Variants in USP24 observed in about 807,000 individuals in gnomAD.
USP24 encodes ubiquitin specific peptidase 24.
Under a neutral mutation model 361.6 loss-of-function variants are expected in USP24, and 97 were observed. The ratio of observed to expected loss-of-function variants is 0.27; its 90% CI spans 0.23 to 0.32. The LOEUF is 0.32. Among genes scored for constraint, USP24 ranks in the 10% least tolerant of loss-of-function variants. The pLI, the probability that USP24 is intolerant of heterozygous loss-of-function variation, is 1.00. For synonymous variants in USP24, 1,098 were observed against 1,124.6 expected, an observed-to-expected ratio of 0.98 and a Z score of 0.47; for missense variants, 2,353 against 3,165.6, an observed-to-expected ratio of 0.74 and a Z score of 6.16.
At chr1:55,122,354 G>A (rs1036590708) in intron 36 of USP24, among the ~76,000 whole-genome samples, 5 of 152,152 alleles carry the variant, frequency 3.3e-5, no homozygotes, top group South Asian at 2.1e-4. Flanking sequence ...CAGGGTGGCC[G>A]AAGCACAGTG....
At position 55,176,361 on chromosome 1, in the gene USP24, G is replaced by T; in HGVS notation, c.558+15C>A. 6.4e-7 allele frequency: 1 copy of T among 1,556,476 alleles called. No individual in the cohort carries two copies. The highest frequency in any genetic ancestry group is 8.7e-7 in the Non-Finnish European group (1 of 1,148,282). On this transcript the variant is annotated intron_variant, in intron 3 of 67. Transcript: ENST00000294383. The stretch of plus-strand genomic sequence containing the variant: ...CCGACACACACAAAATATCACAGCA[G>T]CACATTTTTCTTACCTTTTTAAATG...
intron 28 of USP24, among the ~76,000 whole-genome samples, chr1:55,136,112 A>G (rs993198544): frequency 1.3e-5 from 2 of 152,190 alleles, no homozygotes; most frequent in African/African-American, 4.8e-5. Context: ...GAAGGGAAAT[A>G]AAAAGAAATA....
chr1:55,071,725 T>A (rs1178609422), intron 67 of USP24, 89 bp downstream of exon 67: 1 of 1,330,918 alleles, frequency 7.5e-7, no homozygotes, highest in Non-Finnish European at 1.0e-6. Flanking sequence ...AGAGGAAGCA[T>A]CTTGTTTTCC....
intron 40 of USP24, among the ~76,000 whole-genome samples, chr1:55,107,021 A>C (rs941705809): frequency 8.5e-5 from 13 of 152,228 alleles, no homozygotes; most frequent in Non-Finnish European, 1.6e-4. Flanking sequence ...TGATCCAGCT[A>C]TTTTGAACAC....
intron 38 of USP24, among the ~76,000 whole-genome samples, chr1:55,114,956 G>A (rs1646062613): frequency 6.6e-6 from 1 of 151,972 alleles, no homozygotes; most frequent in Admixed American, 6.6e-5. Context: ...GAGTGAACAG[G>A]CAACCTATAG....
chr1:55,069,920 AGGTGC>A lies in USP24; in HGVS notation c.7801-818_7801-814del, dbSNP rs571450465. ...AAAAAATCAGAAAATGGGGGTGGGG[AGGTGC>A]GCAGGTGCTAGATCAAGCAGGACTG... On this transcript the variant is annotated intron_variant, in intron 67 of 67. Transcript: ENST00000294383. 8.6e-4 allele frequency among the ~76,000 whole-genome samples: 116 copies of A among 134,546 alleles called. 1 individual carries two copies. Among genetic ancestry groups the A allele is most frequent in the African/African-American group, 3.0e-3 (109 of 36,278 alleles). The allele number at this position is 134,546 out of a possible 152,430, so 88.3% of individuals were successfully genotyped here.
At chr1:55,086,178 C>G (rs1425066932) in intron 55 of USP24, 140 bp from the exon 56 acceptor site, 3 of 716,600 alleles carry the variant, frequency 4.2e-6, no homozygotes, top group African/African-American at 1.8e-5. Flanking sequence ...CCAAGTGGAG[C>G]TTTCCAAGGT....
At chr1:55,195,412 T>A (rs928835332) in intron 1 of USP24, among the ~76,000 whole-genome samples, 1 of 152,204 alleles carries the variant, frequency 6.6e-6, no homozygotes, top group African/African-American at 2.4e-5. Flanking sequence ...AGGTATTCTG[T>A]CTTCTATTTT....
intron 5 of USP24, among the ~76,000 whole-genome samples, chr1:55,169,224 A>T (rs898171006): frequency 6.6e-6 from 1 of 152,132 alleles, no homozygotes; most frequent in African/African-American, 2.4e-5. Context: ...TAAATTTAAA[A>T]AAAATCCGTG....
intron 4 of USP24, among the ~76,000 whole-genome samples, chr1:55,172,051 T>C (rs1018662567): frequency 6.6e-6 from 1 of 152,130 alleles, no homozygotes; most frequent in African/African-American, 2.4e-5. Flanking sequence ...TACTGTTACC[T>C]GTTGGGGGAA....
chr1:55,193,273 G>C (rs1644335465), intron 1 of USP24, among the ~76,000 whole-genome samples: 1 of 152,140 alleles, frequency 6.6e-6, no homozygotes, highest in African/African-American at 2.4e-5. Flanking sequence ...TAAGGGATTT[G>C]AGCATTTCGG....
At position 55,214,999 on chromosome 1, in the gene USP24, C is replaced by T. The variant is rs1165561923; in HGVS notation, c.115G>A (p.Ala39Thr). The change falls in exon 1 of 68, where the codon GCA (alanine) becomes ACA (threonine). Residue 39 changes from alanine (A) to threonine (T), a missense_variant. Ala to Thr is a moderately conservative substitution (Grantham distance 58). This residue lies in a region of USP24 where 253 missense variants were observed against 255.3 expected (regional missense o/e 0.99). Coordinates refer to ENST00000294383, the MANE Select transcript of USP24 (RefSeq NM_015306.3). ...CCCGGCCGCTCGTTGGTGAGCAGTG[C>T]CACGGCCTCGTTAATGTCGTTCTTG... is the stretch of plus-strand genomic sequence containing the variant. ...LAKNDINEAVALLTNERPGLD... is the reference protein window; with the variant it reads ...LAKNDINEAVTLLTNERPGLD... The T allele has an allele frequency of 5.5e-6, 8 of 1,464,146 alleles. No individual in the cohort carries two copies. The highest frequency in any genetic ancestry group is 4.5e-6 in the Non-Finnish European group (5 of 1,106,742). 90.7% of individuals were successfully genotyped at this position (1,464,146 alleles called of 1,614,324 possible).
chr1:55,105,792 GT>G (rs1645754504), intron 41 of USP24, among the ~76,000 whole-genome samples: 1 of 152,128 alleles, frequency 6.6e-6, no homozygotes, highest in African/African-American at 2.4e-5. Context: ...AGCACCTATC[GT>G]TTTCTCCTGA....
At chr1:55,095,858 A>G (rs1312478892) in intron 50 of USP24, among the ~76,000 whole-genome samples, 2 of 152,366 alleles carry the variant, frequency 1.3e-5, no homozygotes, top group Middle Eastern at 3.4e-3. Flanking sequence ...GCTTAACTAT[A>G]ATGGCATGGT....
chr1:55,152,500 T>C (rs1255574687), intron 16 of USP24, among the ~76,000 whole-genome samples: 1 of 152,196 alleles, frequency 6.6e-6, no homozygotes, highest in Non-Finnish European at 1.5e-5. Flanking sequence ...GAAACGTGTC[T>C]GTTGCTGAGA....
intron 57 of USP24, 120 bp from the exon 58 acceptor site, chr1:55,083,484 A>G (rs1172132203): frequency 1.0e-6 from 1 of 975,874 alleles, no homozygotes; most frequent in Non-Finnish European, 1.5e-6. Context: ...TATTATTTCC[A>G]TATAGAAAGT....
intron 23 of USP24, 87 bp from the exon 24 acceptor site, chr1:55,141,818 G>A: frequency 2.4e-6 from 3 of 1,236,112 alleles, no homozygotes; most frequent in Non-Finnish European, 3.5e-6. Context: ...TGCTGTTGCA[G>A]AGGGCTGTCC....
chr1:55,164,409 ATAT>A (rs1000957834), intron 7 of USP24, among the ~76,000 whole-genome samples: 2 of 151,980 alleles, frequency 1.3e-5, no homozygotes, highest in Non-Finnish European at 2.9e-5. Flanking sequence ...CTTGTGAGTG[ATAT>A]TTTTTCCTAG....
At chr1:55,211,697 T>C (rs1335450369) in intron 1 of USP24, among the ~76,000 whole-genome samples, 1 of 152,210 alleles carries the variant, frequency 6.6e-6, no homozygotes, top group Non-Finnish European at 1.5e-5. Flanking sequence ...CACCACGTTC[T>C]GTTCAACACT....
Sources: gnomAD v4.1 joint callset for allele counts (sites outside exome capture counted in the v4.1 genomes callset) on GRCh38, gnomAD v4.1.1 for gene constraint, gnomAD v4.1.1 regional missense constraint, MANE v1.5 for transcripts, NCBI Gene and HGNC (gene_info 2026-07-23, HGNC 2026-07-21) for gene names.